The following TXNL4B variants were observed in gnomAD, a reference collection of about 807,000 sequenced individuals.
The protein encoded by TXNL4B is thioredoxin like 4B.
TXNL4B carries 12 observed loss-of-function variants against 13.0 expected under a neutral mutation model. That is an observed-to-expected ratio of 0.92 (90% CI 0.59 to 1.49). The LOEUF (loss-of-function observed/expected upper bound fraction) is 1.49, where lower values mean the gene tolerates loss of function less well. Among genes scored for constraint, TXNL4B ranks in the 40% most tolerant of loss-of-function variants. The pLI is 0.00. For synonymous variants in TXNL4B, 59 were observed against 58.9 expected, an observed-to-expected ratio of 1.00 and a Z score of -0.01; for missense variants, 214 against 173.6, an observed-to-expected ratio of 1.23 and a Z score of -1.31.
chr16:72,093,312 T>A (rs1025294132), intron 1 of TXNL4B, 55 bp downstream of exon 1: 3 of 152,182 alleles, frequency 2.0e-5, no homozygotes, highest in African/African-American at 7.2e-5. Context: ...ATATTTAAAG[T>A]CACCTGTGTT....
chr16:72,090,924 T>A, intron 1 of TXNL4B, 138 bp from the exon 2 acceptor site: 1 of 703,184 alleles, frequency 1.4e-6, no homozygotes, highest in Non-Finnish European at 2.3e-6. Flanking sequence ...CTGTGGAGTT[T>A]CCCTCTCTTT....
chr16:72,089,074 G>A lies in TXNL4B; in HGVS notation c.197C>T (p.Thr66Ile), dbSNP rs1219259283. The change falls in exon 3 of 4, where the codon ACT becomes ATT. Residue 66 changes from threonine to isoleucine, a missense_variant. Thr to Ile is a moderately conservative substitution (Grantham distance 89). Coordinates refer to ENST00000268483, the MANE Select transcript of TXNL4B (RefSeq NM_017853.3). The part of the protein sequence containing the change: ...AAIYLVDVDQ[T>I]AVYTQYFDIS... ...GTCAAAATACTGTGTATAAACTGCAGTTTGGTCCACATCTACCAGGTATAT... is the reference window on the plus strand; with the variant it reads ...GTCAAAATACTGTGTATAAACTGCAATTTGGTCCACATCTACCAGGTATAT... 1 of 1,611,898 alleles carries A rather than the reference G, an allele frequency of 6.2e-7. No homozygotes were observed. The highest frequency in any genetic ancestry group is 8.5e-7 in the Non-Finnish European group (1 of 1,178,034).
intron 1 of TXNL4B, among the ~76,000 whole-genome samples, 169 bp from the exon 2 acceptor site, chr16:72,090,955 G>A (rs1685002479): frequency 2.0e-5 from 3 of 152,170 alleles, no homozygotes; most frequent in Non-Finnish European, 4.4e-5. Flanking sequence ...CTTGGAACCA[G>A]TTTTCATTGT....
Position 72,085,239 on chromosome 16 carries a change from C to T in TXNL4B, c.*1398G>A, listed in dbSNP as rs1011857041. 1.6e-5 allele frequency: 6 copies of T among 379,524 alleles called. No individual in the cohort carries two copies. Among genetic ancestry groups the T allele is most frequent in the African/African-American group, 4.1e-5 (2 of 48,220 alleles). 23.5% of individuals were successfully genotyped at this position (379,524 alleles called of 1,614,324 possible). Reference sequence around the variant, plus strand: ...TGCAGGAAAGGGGTGGAATGGAGCCCCTGGCAAAGGGGGCTGGACTTGCAG... The same window carrying T: ...TGCAGGAAAGGGGTGGAATGGAGCCTCTGGCAAAGGGGGCTGGACTTGCAG... On this transcript the variant is annotated 3_prime_UTR_variant, in exon 4 of 4. Coordinates refer to ENST00000268483, the MANE Select transcript of TXNL4B (RefSeq NM_017853.3).
chr16:72,090,248 C>A, intron 2 of TXNL4B: 1 of 460,606 alleles, frequency 2.2e-6, no homozygotes, highest in South Asian at 1.6e-5. Context: ...TGGATCTGCA[C>A]CTGTGGGAAA....
At chr16:72,090,302 G>T in intron 2 of TXNL4B, 1 of 472,324 alleles carries the variant, frequency 2.1e-6, no homozygotes, top group South Asian at 1.6e-5. Context: ...GGGAAATGGG[G>T]CTACTATTAT....
At chr16:72,090,464 G>C (rs566290050) in intron 2 of TXNL4B, among the ~76,000 whole-genome samples, 154 bp downstream of exon 2, 28 of 152,184 alleles carry the variant, frequency 1.8e-4, no homozygotes, top group Non-Finnish European at 2.8e-4. Flanking sequence ...TTGGGGGCTT[G>C]GTTCAGGGCA....
intron 1 of TXNL4B, among the ~76,000 whole-genome samples, chr16:72,091,670 C>T (rs76676530): frequency 0.021 from 3,262 of 152,278 alleles, 106 homozygotes; most frequent in African/African-American, 0.074. Context: ...TTAAACAGTC[C>T]TTTATTGTAT....
rs2041813500 is a variant in TXNL4B, at chr16:72,085,749, T to C, written c.*888A>G. ...GGGTGCGCGCGGTGGCTCACGCCTA[T>C]AATCCCAGCACCTGGGAGGCTGAGG... On this transcript the variant is annotated 3_prime_UTR_variant, in exon 4 of 4. Coordinates refer to ENST00000268483, the MANE Select transcript of TXNL4B (RefSeq NM_017853.3). 2 of 152,184 alleles carry C rather than the reference T, an allele frequency of 1.3e-5. No individual in the cohort carries two copies. Among genetic ancestry groups the C allele is most frequent in the Admixed American group, 6.5e-5 (1 of 15,280 alleles). The allele number at this position is 152,184 out of a possible 1,614,324, so 9.4% of individuals were successfully genotyped here.
In TXNL4B at chr16:72,089,065, T is replaced by A. The variant is rs775508443; in HGVS notation, c.206A>T (p.Tyr69Phe). ...ATAACTGATGTCAAAATACTGTGTA[T>A]AAACTGCAGTTTGGTCCACATCTAC... ...YLVDVDQTAV[Y>F]TQYFDISYIP... The change falls in exon 3 of 4, where the codon TAT (tyrosine) becomes TTT (phenylalanine). Residue 69 changes from tyrosine to phenylalanine, a missense_variant. By Grantham distance (22) the Tyr-to-Phe change is conservative (BLOSUM62 3). Transcript: ENST00000268483. 1.6e-5 allele frequency: 25 copies of A among 1,611,818 alleles called. No homozygotes were observed. Among genetic ancestry groups the A allele is most frequent in the Non-Finnish European group, 3.4e-6 (4 of 1,177,906 alleles).
Position 72,089,032 on chromosome 16 carries a change from G to A in TXNL4B, c.239C>T (p.Ser80Phe). 6.2e-7 allele frequency: 1 copy of A among 1,610,420 alleles called. No homozygotes were observed. Among genetic ancestry groups the A allele is most frequent in the Non-Finnish European group, 8.5e-7 (1 of 1,177,242 alleles). ...TQYFDISYIP[S>F]TVFFFNGQHM... ...CTGCCCATTGAAGAAAAAGACAGTA[G>A]ATGGAATATAACTGATGTCAAAATA... The change falls in exon 3 of 4, where the codon TCT (serine) becomes TTT (phenylalanine). Residue 80 changes from serine to phenylalanine, a missense_variant. Ser to Phe is a radical substitution (Grantham distance 155). Coordinates refer to ENST00000268483, the MANE Select transcript of TXNL4B (RefSeq NM_017853.3).
At chr16:72,091,371 C>T (rs535930758) in intron 1 of TXNL4B, among the ~76,000 whole-genome samples, 1 of 151,966 alleles carries the variant, frequency 6.6e-6, no homozygotes, top group South Asian at 2.1e-4. Context: ...CCACTCTCCT[C>T]CCTCCCTCTG....
rs1237680951 is a variant in TXNL4B, at chr16:72,086,694, T to C, written c.393A>G (p.Gln131=). The C allele has an allele frequency of 6.2e-7, 1 of 1,614,008 alleles. No individual in the cohort carries two copies. Among genetic ancestry groups the C allele is most frequent in the Admixed American group, 1.7e-5 (1 of 60,020 alleles). Reference sequence around the variant, plus strand: ...GAATATTCTTGGGATCAATAGGACTTTGGACAATAAGCTTCCCCCTCATTG... The same window carrying C: ...GAATATTCTTGGGATCAATAGGACTCTGGACAATAAGCTTCCCCCTCATTG... ...RGAMRGKLIV[Q]SPIDPKNIPK... is the part of the protein sequence containing the mutation. The change falls in exon 4 of 4, where the codon CAA becomes CAG. Residue 131 remains glutamine (Q), a synonymous_variant. Coordinates refer to ENST00000268483, the MANE Select transcript of TXNL4B (RefSeq NM_017853.3).
intron 2 of TXNL4B, 86 bp downstream of exon 2, chr16:72,090,532 C>G (rs2041889492): frequency 5.1e-6 from 7 of 1,381,824 alleles, no homozygotes; most frequent in Non-Finnish European, 7.1e-6. Context: ...CCAACCCTGA[C>G]TACTCCCTCT....
In TXNL4B at chr16:72,085,795, G is replaced by A. The variant is rs1283482288; in HGVS notation, c.*842C>T. 1 of 152,214 alleles carries A rather than the reference G, an allele frequency of 6.6e-6. No homozygotes were observed. Among genetic ancestry groups the A allele is most frequent in the Non-Finnish European group, 1.5e-5 (1 of 68,076 alleles). 9.4% of individuals were successfully genotyped at this position (152,214 alleles called of 1,614,324 possible). ...TGAGGAGGGCAGATCACGAGGTCAG[G>A]AGATCGAGACCATCTTGGCTAACAC... On this transcript the variant is annotated 3_prime_UTR_variant, in exon 4 of 4. Coordinates refer to ENST00000268483, the MANE Select transcript of TXNL4B (RefSeq NM_017853.3).
In TXNL4B at chr16:72,090,917, TG is replaced by T. The variant is rs1409797769; in HGVS notation, c.-37-132del. ...GAAACATCATAGAAAGGTAACACTG[TG>T]GAGTTTCCCTCTCTTTGTCCCTGCT... On this transcript the variant is annotated intron_variant, in intron 1 of 3. Coordinates refer to ENST00000268483, the MANE Select transcript of TXNL4B (RefSeq NM_017853.3). 1.9e-5 allele frequency: 14 copies of T among 737,184 alleles called. No homozygotes were observed. In the Admixed American group the frequency reaches 4.5e-4, roughly 23 times the overall value. 45.7% of individuals were successfully genotyped at this position (737,184 alleles called of 1,614,324 possible). A position where few individuals can be genotyped will look rare whatever the true frequency, so the allele number is the denominator to read the frequency against.
intron 1 of TXNL4B, among the ~76,000 whole-genome samples, chr16:72,091,333 G>A (rs900905319): frequency 6.8e-6 from 1 of 146,000 alleles, no homozygotes. Context: ...CAGTGTATAG[G>A]AGGGCAGCCT....
Position 72,089,138 on chromosome 16 carries a change from G to A in TXNL4B, c.133C>T (p.Leu45Phe), listed in dbSNP as rs748341691. The change falls in exon 3 of 4, where the codon CTT (leucine) becomes TTT (phenylalanine). Residue 45 changes from leucine to phenylalanine, a missense_variant and splice_region_variant. Coordinates refer to ENST00000268483, the MANE Select transcript of TXNL4B (RefSeq NM_017853.3). ...CTTAAGTCAGAAGAGGTCTTAGAAA[G>A]CTGCAAATGACGAGAGAGACAAAGG... Reference protein sequence around the residue: ...DPVCLQLDDILSKTSSDLSKM... With the variant: ...DPVCLQLDDIFSKTSSDLSKM... 2 of 1,605,614 alleles carry A rather than the reference G, an allele frequency of 1.2e-6. No homozygotes were observed. Among genetic ancestry groups the A allele is most frequent in the Non-Finnish European group, 1.7e-6 (2 of 1,175,096 alleles).
chr16:72,091,463 C>T (rs996944554), intron 1 of TXNL4B, among the ~76,000 whole-genome samples: 1 of 152,130 alleles, frequency 6.6e-6, no homozygotes, highest in Non-Finnish European at 1.5e-5. Context: ...CCTCCCTGTC[C>T]CAGAGCAGTC....
Sources: allele counts gnomAD v4.1 joint callset (sites outside exome capture counted in the v4.1 genomes callset), GRCh38; gene constraint gnomAD v4.1.1; transcripts MANE v1.5; gene names NCBI Gene and HGNC (gene_info 2026-07-23, HGNC 2026-07-21).